The following ABCA13 variants were observed in gnomAD, a reference collection of about 807,000 sequenced individuals.
ABCA13 encodes ATP binding cassette subfamily A member 13.
In ABCA13, 476 loss-of-function variants were observed where a neutral mutation model predicts 478.7. That is an observed-to-expected ratio of 0.99 (90% CI 0.92 to 1.07). The LOEUF is 1.07. ABCA13 is among the 50% of genes least tolerant of loss of function. The pLI, the probability that ABCA13 is intolerant of heterozygous loss-of-function variation, is 0.00. For synonymous variants in ABCA13, 2,252 were observed against 2,158.9 expected, an observed-to-expected ratio of 1.04 and a Z score of -1.20; for missense variants, 6,060 against 5,910.6, an observed-to-expected ratio of 1.03 and a Z score of -0.83.
intron 31 of ABCA13, among the ~76,000 whole-genome samples, chr7:48,358,548 A>G (rs916396715): frequency 2.0e-4 from 31 of 152,018 alleles, no homozygotes; most frequent in African/African-American, 7.3e-4. Context: ...AAGGGCCTTC[A>G]TCATTCACTC....
rs577088960 is a variant in ABCA13 at position 48,329,155 on chromosome 7, A to G, written c.10000-6267A>G. On this transcript the variant is annotated intron_variant, in intron 27 of 61. Transcript: ENST00000435803. ...GAAAGAACGTGGATAGTATGAGTGA[A>G]GAAAAACAGAATACCAACATAATGC... 2.6e-5 allele frequency among the ~76,000 whole-genome samples: 4 copies of G among 152,354 alleles called. No homozygotes were observed. In the South Asian group the frequency reaches 8.3e-4, roughly 32 times the overall value.
rs552440404 is a variant in ABCA13, at chr7:48,200,354, G to A, written c.287+1994G>A. Among the ~76,000 whole-genome samples the A allele has an allele frequency of 1.1e-4, 17 of 152,252 alleles. No individual in the cohort carries two copies. In the East Asian group the frequency reaches 1.3e-3, roughly 12 times the overall value. ...TGCACTCCAGCCTGGGTGACAGAGC[G>A]AGACTCATTCTCAAACAAAAAAAAC... On this transcript the variant is annotated intron_variant, in intron 3 of 61. Transcript: ENST00000435803.
At chr7:48,313,969 ATGTG>A (rs993823347) in intron 25 of ABCA13, among the ~76,000 whole-genome samples, 1 of 149,782 alleles carries the variant, frequency 6.7e-6, no homozygotes, top group Non-Finnish European at 1.5e-5. Flanking sequence ...GTAAGGACTT[ATGTG>A]TGTGTGTGTA....
intron 38 of ABCA13, among the ~76,000 whole-genome samples, chr7:48,400,380 T>C (rs1365991403): frequency 1.3e-5 from 2 of 152,242 alleles, no homozygotes; most frequent in African/African-American, 2.4e-5. Context: ...CATTCTCTGG[T>C]GCATAATTGG....
chr7:48,298,326 A>C (rs759125190), intron 22 of ABCA13, 40 bp from the exon 23 acceptor site: 24 of 1,566,370 alleles, frequency 1.5e-5, no homozygotes, highest in Non-Finnish European at 8.7e-7. Flanking sequence ...AATGATCTAA[A>C]CCTTTATTAC....
In ABCA13 at chr7:48,467,038, C is replaced by A. The variant is rs1826956694; in HGVS notation, c.12898C>A (p.Pro4300Thr). The change falls in exon 44 of 62, where the codon CCA becomes ACA. Residue 4300 changes from proline (P) to threonine (T), a missense_variant. Coordinates refer to ENST00000435803, the MANE Select transcript of ABCA13 (RefSeq NM_152701.5). ...AGATTTGCCCTGTGCAGATTTAAAC[C>A]CACGCCAGTAAGTGTCAGGTGCTCT... is the stretch of plus-strand genomic sequence containing the variant. ...DQDLPCADLN[P>T]RQKNSSCWRT... 4 of 1,613,818 alleles carry A rather than the reference C, an allele frequency of 2.5e-6. No individual in the cohort carries two copies. Among genetic ancestry groups the A allele is most frequent in the Admixed American group, 1.7e-5 (1 of 59,994 alleles).
At chr7:48,486,036 T>C (rs1028735364) in intron 47 of ABCA13, among the ~76,000 whole-genome samples, 20 of 152,192 alleles carry the variant, frequency 1.3e-4, no homozygotes, top group African/African-American at 4.6e-4. Context: ...TATTCCAGCC[T>C]GGGGTACCTT....
At chr7:48,509,975 G>A (rs1182430485) in intron 50 of ABCA13, among the ~76,000 whole-genome samples, 2 of 152,156 alleles carry the variant, frequency 1.3e-5, no homozygotes, top group Non-Finnish European at 2.9e-5. Context: ...CCTTGATTCT[G>A]GTCTTTCCAG....
At chr7:48,322,927 C>T (rs1286248342) in intron 27 of ABCA13, among the ~76,000 whole-genome samples, 1 of 152,084 alleles carries the variant, frequency 6.6e-6, no homozygotes, top group Non-Finnish European at 1.5e-5. Flanking sequence ...TGTGAGAATG[C>T]CCTATAATGG....
chr7:48,287,901 G>A (rs1377458172), intron 19 of ABCA13, 59 bp from the exon 20 acceptor site: 2 of 1,264,098 alleles, frequency 1.6e-6, no homozygotes, highest in African/African-American at 3.0e-5. Flanking sequence ...TTTTGTGAGA[G>A]TGGCTAGTTC....
chr7:48,425,433 A>G (rs1021864552), intron 41 of ABCA13, among the ~76,000 whole-genome samples: 4 of 152,370 alleles, frequency 2.6e-5, no homozygotes, highest in Middle Eastern at 3.4e-3. Context: ...TCAATGAATA[A>G]TTCTTGATTT....
At chr7:48,293,550 T>C (rs1323293805) in intron 20 of ABCA13, among the ~76,000 whole-genome samples, 2 of 152,196 alleles carry the variant, frequency 1.3e-5, no homozygotes, top group East Asian at 1.9e-4. Context: ...TAAATTCTGA[T>C]GATGTAAAAT....
chr7:48,362,409 C>CTTTTTTTTT (rs35795708), intron 31 of ABCA13, among the ~76,000 whole-genome samples: 138 of 85,866 alleles, frequency 1.6e-3, no homozygotes, highest in Middle Eastern at 7.5e-3. Flanking sequence ...TCCTCTTCTT[C>CTTTTTTTTT]TTTTTTTTTT....
rs76912585 is a variant in ABCA13 at position 48,433,369 on chromosome 7, C to A, written c.12565+5498C>A. Reference sequence around the variant, plus strand: ...TACAGTACTCAAAAAATATTTTTTTCATCTAGGACGTTTTTTGGTAATAGA... The same window carrying A: ...TACAGTACTCAAAAAATATTTTTTTAATCTAGGACGTTTTTTGGTAATAGA... On this transcript the variant is annotated intron_variant, in intron 42 of 61. Transcript: ENST00000435803. Among the ~76,000 whole-genome samples the A allele has an allele frequency of 8.1e-3, 1,219 of 150,720 alleles. 35 individuals are homozygous for A. Among genetic ancestry groups the A allele is most frequent in the East Asian group, 0.074 (382 of 5,150 alleles).
intron 39 of ABCA13, chr7:48,404,169 A>C (rs1401530624): frequency 2.8e-6 from 1 of 363,136 alleles, no homozygotes; most frequent in Non-Finnish European, 5.4e-6. Context: ...TTCTTCTGGA[A>C]GCATAGTTTC....
In ABCA13 at chr7:48,279,765, C is replaced by T. The variant is rs562649631; in HGVS notation, c.8571C>T (p.Thr2857=). ...PLFEIFIKAT[T]GKNVTSEKEE... The stretch of plus-strand genomic sequence containing the variant: ...TTGAGATTTTCATTAAAGCAACCAC[C>T]GGAAAGAATGTCACATCAGAAAAAG... The change falls in exon 18 of 62, where the codon ACC becomes ACT. Residue 2857 remains threonine, a synonymous_variant. Coordinates refer to ENST00000435803, the MANE Select transcript of ABCA13 (RefSeq NM_152701.5). 40 of 1,610,764 alleles carry T rather than the reference C, an allele frequency of 2.5e-5. No homozygotes were observed. Among genetic ancestry groups the T allele is most frequent in the South Asian group, 8.9e-5 (8 of 90,160 alleles).
At chr7:48,405,032 G>A (rs1230658649) in intron 39 of ABCA13, among the ~76,000 whole-genome samples, 3 of 152,220 alleles carry the variant, frequency 2.0e-5, no homozygotes, top group Non-Finnish European at 4.4e-5. Flanking sequence ...CAGCCACATC[G>A]GAGTTCACGA....
intron 43 of ABCA13, among the ~76,000 whole-genome samples, chr7:48,462,401 G>A (rs1826345145): frequency 6.6e-6 from 1 of 151,706 alleles, no homozygotes; most frequent in South Asian, 2.1e-4. Context: ...TTTTCTGTCT[G>A]GAATTGTGCA....
intron 55 of ABCA13, among the ~76,000 whole-genome samples, chr7:48,530,260 C>T (rs1833133761): frequency 6.6e-6 from 1 of 151,762 alleles, no homozygotes; most frequent in Non-Finnish European, 1.5e-5. Flanking sequence ...CTGCCAATGC[C>T]ATTATTTATT....
Sources: gnomAD v4.1 joint callset for allele counts (sites outside exome capture counted in the v4.1 genomes callset) on GRCh38, gnomAD v4.1.1 for gene constraint, MANE v1.5 for transcripts, NCBI Gene and HGNC (gene_info 2026-07-23, HGNC 2026-07-21) for gene names.